Variants in PCDHA4 observed in about 807,000 individuals in gnomAD.
PCDHA4 encodes the protein protocadherin alpha-4.
Under a neutral mutation model 61.4 loss-of-function variants are expected in PCDHA4, and 49 were observed. The observed-to-expected ratio is 0.80, with a 90% CI of 0.63 to 1.01. The LOEUF (loss-of-function observed/expected upper bound fraction) is 1.01, where lower values mean the gene tolerates loss of function less well. Ranked by LOEUF, PCDHA4 falls within the 50% of genes least tolerant of loss-of-function variation. The pLI is 0.00. For missense variants in PCDHA4, 1,254 were observed against 1,235.8 expected, an observed-to-expected ratio of 1.01 and a Z score of -0.22; for synonymous variants, 590 against 550.3, an observed-to-expected ratio of 1.07 and a Z score of -1.01.
intron 3 of PCDHA4, among the ~76,000 whole-genome samples, chr5:141,002,843 A>G (rs2098098678): frequency 6.6e-6 from 1 of 152,224 alleles, no homozygotes; most frequent in African/African-American, 2.4e-5. Context: ...AGGACTATGC[A>G]CTAGTGAGAG....
chr5:140,888,067 T>G (rs1392142536), intron 1 of PCDHA4, among the ~76,000 whole-genome samples: 1 of 152,224 alleles, frequency 6.6e-6, no homozygotes, highest in Admixed American at 6.5e-5. Context: ...CTTTCTTGTC[T>G]GCTAATTTCA....
chr5:140,935,894 CT>C (rs55841305), intron 1 of PCDHA4, among the ~76,000 whole-genome samples: 1,605 of 136,716 alleles, frequency 0.012, 14 homozygotes, highest in Non-Finnish European at 0.016. Context: ...TCAATATTAT[CT>C]TTTTTTTTTT....
chr5:140,925,427 G>A (rs1394500937), intron 1 of PCDHA4, among the ~76,000 whole-genome samples: 2 of 152,012 alleles, frequency 1.3e-5, no homozygotes, highest in Non-Finnish European at 2.9e-5. Context: ...CTGGTTGTAG[G>A]GTGTTAGGCA....
chr5:140,862,165 T>C (rs1003648198), intron 1 of PCDHA4: 39 of 164,612 alleles, frequency 2.4e-4, no homozygotes, highest in Non-Finnish European at 2.3e-4. Context: ...AAGATTCAAA[T>C]ACAGGCAGTT....
chr5:140,888,789 G>A (rs536846098), intron 1 of PCDHA4, among the ~76,000 whole-genome samples: 1 of 152,066 alleles, frequency 6.6e-6, no homozygotes, highest in Admixed American at 6.5e-5. Flanking sequence ...AGCCTGATCT[G>A]GGGAGGTTGA....
At chr5:140,917,305 C>T (rs1554197951) in intron 1 of PCDHA4, among the ~76,000 whole-genome samples, 1 of 137,094 alleles carries the variant, frequency 7.3e-6, no homozygotes, top group African/African-American at 2.7e-5. Flanking sequence ...ATAGTTGTTA[C>T]AATTTGGTGT....
chr5:140,967,104 A>T (rs374744732), intron 1 of PCDHA4: 3 of 1,613,028 alleles, frequency 1.9e-6, no homozygotes, highest in Non-Finnish European at 2.5e-6. Context: ...CTGTGTGAGC[A>T]GCGGCCTCGC....
In PCDHA4 at chr5:140,986,391, G is replaced by A. The variant is rs144915625; in HGVS notation, c.2533+3828G>A. Among the ~76,000 whole-genome samples, 1,153 of 152,256 alleles carry A rather than the reference G, an allele frequency of 7.6e-3. 6 individuals are homozygous for A. Among genetic ancestry groups the A allele is most frequent in the Middle Eastern group, 0.014 (4 of 294 alleles). ...GTTTTGGGGGGAGGGACATTAAAGG[G>A]CCAGTCGCTCATGTTACAGCTCTTT... On this transcript the variant is annotated intron_variant, in intron 3 of 3. Transcript: ENST00000530339.
intron 1 of PCDHA4, among the ~76,000 whole-genome samples, chr5:140,886,602 C>T (rs1167539535): frequency 6.6e-6 from 1 of 151,756 alleles, no homozygotes; most frequent in Non-Finnish European, 1.5e-5. Flanking sequence ...CCAAGGTGGG[C>T]GGATCAGGAG....
chr5:140,843,674 G>A (rs2150364800), intron 1 of PCDHA4: 16 of 1,592,324 alleles, frequency 1.0e-5, no homozygotes, highest in Middle Eastern at 1.7e-4. Context: ...ATCAGTTGAT[G>A]TAGGCGAAGA....
Position 140,856,497 on chromosome 5 carries a change from G to A in PCDHA4, c.2385+46925G>A, listed in dbSNP as rs782069130. 1.1e-5 allele frequency: 17 copies of A among 1,598,346 alleles called. 1 individual carries two copies. Among genetic ancestry groups the A allele is most frequent in the Admixed American group, 5.1e-5 (3 of 59,216 alleles). ...CCTGAATCCAGACTGCTTGACTCTC[G>A]ATTTCCACTAGAAGGCGCATCTGAT... On this transcript the variant is annotated intron_variant, in intron 1 of 3. Transcript: ENST00000530339.
intron 1 of PCDHA4, among the ~76,000 whole-genome samples, chr5:140,973,261 C>G (rs1162687249): frequency 6.6e-6 from 1 of 152,156 alleles, no homozygotes; most frequent in African/African-American, 2.4e-5. Flanking sequence ...TCAGTGGCAC[C>G]TACTTTTATT....
intron 1 of PCDHA4, chr5:140,829,809 C>A: frequency 1.2e-6 from 2 of 1,613,854 alleles, no homozygotes; most frequent in Non-Finnish European, 1.7e-6. Flanking sequence ...GTGGGTGGTA[C>A]TGGTGGTGCA....
intron 1 of PCDHA4, chr5:140,882,751 T>C: frequency 6.2e-7 from 1 of 1,614,242 alleles, no homozygotes; most frequent in Non-Finnish European, 8.5e-7. Flanking sequence ...CCGATGCAGA[T>C]ATTGGAGTAA....
intron 1 of PCDHA4, among the ~76,000 whole-genome samples, chr5:140,976,863 T>G (rs116630325): frequency 0.028 from 4,205 of 152,320 alleles, 87 homozygotes; most frequent in Non-Finnish European, 0.044. Flanking sequence ...GAGTTTACTG[T>G]CTGACAAAGA....
chr5:140,813,354 T>C (rs2126645911), intron 1 of PCDHA4: 1 of 152,328 alleles, frequency 6.6e-6, no homozygotes, highest in Non-Finnish European at 1.5e-5. Flanking sequence ...CTAGATAGTA[T>C]AGCCTACTAC....
Position 140,925,562 on chromosome 5 carries a change from G to A in PCDHA4, c.2386-53387G>A, listed in dbSNP as rs28620116. On this transcript the variant is annotated intron_variant, in intron 1 of 3. Transcript: ENST00000530339. ...ACCTAATGTAAATGACAAGTTAATG[G>A]GTGCAGCACACCAACATGGCGCATG... 5.5e-3 allele frequency among the ~76,000 whole-genome samples: 841 copies of A among 151,670 alleles called. 7 individuals carry two copies. The highest frequency in any genetic ancestry group is 0.018 in the African/African-American group (764 of 41,334).
At chr5:140,834,243 A>G (rs1260140058) in intron 1 of PCDHA4, 2 of 837,910 alleles carry the variant, frequency 2.4e-6, no homozygotes, top group African/African-American at 3.4e-5. Flanking sequence ...TCCTTTTCGC[A>G]CTGGAAAGAC....
chr5:140,875,783 T>C (rs782000038), intron 1 of PCDHA4: 4 of 1,614,050 alleles, frequency 2.5e-6, no homozygotes, highest in Non-Finnish European at 3.4e-6. Flanking sequence ...GAGTGCAGTA[T>C]CCACCTGGAG....
Sources: allele counts gnomAD v4.1 joint callset (sites outside exome capture counted in the v4.1 genomes callset), GRCh38; gene constraint gnomAD v4.1.1; transcripts MANE v1.5; gene names NCBI Gene and HGNC (gene_info 2026-07-23, HGNC 2026-07-21).